Variants in MACROD2 observed in about 807,000 individuals in gnomAD.
MACROD2 encodes the protein mono-ADP ribosylhydrolase 2.
Under a neutral mutation model 70.4 loss-of-function variants are expected in MACROD2, and 36 were observed. The observed-to-expected ratio is 0.51, with a 90% CI of 0.39 to 0.68. The LOEUF is 0.68. MACROD2 is among the 30% of genes least tolerant of loss of function. The pLI, the probability that MACROD2 is intolerant of heterozygous loss-of-function variation, is 0.00. For synonymous variants in MACROD2, 172 were observed against 178.8 expected (o/e 0.96, Z 0.30); for missense variants, 496 against 538.4 (o/e 0.92, Z 0.78).
chr20:15,461,006 A>ATATATATATATATATTT, intron 7 of MACROD2, among the ~76,000 whole-genome samples: 32 of 66,986 alleles, frequency 4.8e-4, no homozygotes, highest in Non-Finnish European at 7.9e-4. Flanking sequence ...ATATATATAT[A>ATATATATATATATATTT]TTTTTTTTTA....
chr20:15,658,978 G>A (rs536108292), intron 8 of MACROD2, among the ~76,000 whole-genome samples: 1 of 152,260 alleles, frequency 6.6e-6, no homozygotes, highest in East Asian at 1.9e-4. Context: ...AAGACATATA[G>A]TAACATAGTT....
intron 2 of MACROD2, among the ~76,000 whole-genome samples, chr20:14,004,914 C>T (rs6042474): frequency 0.63 from 95,623 of 151,906 alleles, 30,801 homozygotes; most frequent in South Asian, 0.76. Context: ...TCATTACTTA[C>T]GTTTTTATAG....
chr20:15,254,286 A>T (rs1416634015), intron 6 of MACROD2, among the ~76,000 whole-genome samples: 1 of 152,168 alleles, frequency 6.6e-6, no homozygotes, highest in Admixed American at 6.6e-5. Context: ...AACTCTCTTC[A>T]GTACTTTTAA....
At chr20:15,548,351 C>T (rs567485173) in intron 8 of MACROD2, among the ~76,000 whole-genome samples, 3 of 152,154 alleles carry the variant, frequency 2.0e-5, no homozygotes, top group Middle Eastern at 3.4e-3. Context: ...AGTCTGTGTT[C>T]CCTCCCCTTG....
chr20:15,361,602 A>G, intron 6 of MACROD2, among the ~76,000 whole-genome samples: 1 of 152,330 alleles, frequency 6.6e-6, no homozygotes, highest in Non-Finnish European at 1.5e-5. Flanking sequence ...TAATCTTGCC[A>G]GAATTTTTAT....
chr20:14,850,581 C>T (rs2073189468), intron 5 of MACROD2: 1 of 152,166 alleles, frequency 6.6e-6, no homozygotes, highest in Non-Finnish European at 1.5e-5. Flanking sequence ...AGTCCTCTCC[C>T]TAATGAAAGA....
At chr20:14,306,019 C>T (rs747027695) in intron 3 of MACROD2, among the ~76,000 whole-genome samples, 17 of 151,984 alleles carry the variant, frequency 1.1e-4, no homozygotes, top group Non-Finnish European at 1.9e-4. Flanking sequence ...TTCTCTCTCT[C>T]CCTGCTAAAT....
chr20:14,868,699 G>A (rs539490463), intron 5 of MACROD2, among the ~76,000 whole-genome samples: 10 of 152,012 alleles, frequency 6.6e-5, no homozygotes, highest in Non-Finnish European at 1.0e-4. Context: ...ATTTGAAATT[G>A]CTGTGTTTTC....
rs543414937 is a variant in MACROD2 at position 14,854,685 on chromosome 20, G to A, written c.418+169726G>A. On this transcript the variant is annotated intron_variant, in intron 5 of 17. Transcript: ENST00000684519. Reference sequence around the variant, plus strand: ...ATGCAGGAAAGAATGCAGGTTTCGTGGGGACTAAAACAACACTAAGGTGAG... The same window carrying A: ...ATGCAGGAAAGAATGCAGGTTTCGTAGGGACTAAAACAACACTAAGGTGAG... Among the ~76,000 whole-genome samples the A allele has an allele frequency of 5.9e-5, 9 of 152,264 alleles. No individual in the cohort carries two copies. In the South Asian group the frequency reaches 1.7e-3, roughly 28 times the overall value.
chr20:15,157,083 G>A (rs2076311771), intron 5 of MACROD2, among the ~76,000 whole-genome samples: 1 of 152,160 alleles, frequency 6.6e-6, no homozygotes, highest in African/African-American at 2.4e-5. Context: ...GACTTAGTCA[G>A]ATCTGGCTTC....
At chr20:14,843,034 C>G (rs887304349) in intron 5 of MACROD2, among the ~76,000 whole-genome samples, 3 of 151,972 alleles carry the variant, frequency 2.0e-5, no homozygotes, top group Admixed American at 2.0e-4. Flanking sequence ...CATTTCACAC[C>G]CTGGCTGTCA....
chr20:15,263,222 G>T (rs1371625353), intron 6 of MACROD2, among the ~76,000 whole-genome samples: 1 of 151,950 alleles, frequency 6.6e-6, no homozygotes, highest in Non-Finnish European at 1.5e-5. Context: ...TTTGTTTACG[G>T]TGAGAGATAA....
intron 3 of MACROD2, among the ~76,000 whole-genome samples, chr20:14,368,359 C>G (rs1158064590): frequency 2.0e-5 from 3 of 152,024 alleles, no homozygotes; most frequent in Non-Finnish European, 2.9e-5. Flanking sequence ...GAGACTAACA[C>G]AGTGAAACCC....
chr20:14,795,064 C>A (rs1374909145), intron 5 of MACROD2, among the ~76,000 whole-genome samples: 1 of 152,024 alleles, frequency 6.6e-6, no homozygotes, highest in East Asian at 1.9e-4. Flanking sequence ...TTTCAAGATA[C>A]CGCCATAGAA....
chr20:15,651,378 C>T (rs1309360126), intron 8 of MACROD2, among the ~76,000 whole-genome samples: 1 of 152,182 alleles, frequency 6.6e-6, no homozygotes, highest in Non-Finnish European at 1.5e-5. Context: ...GATCCAGCAT[C>T]TATAATTAAT....
At chr20:15,879,994 C>G (rs559412300) in intron 9 of MACROD2, among the ~76,000 whole-genome samples, 2 of 152,228 alleles carry the variant, frequency 1.3e-5, no homozygotes, top group South Asian at 4.1e-4. Context: ...GGAGTTCCCT[C>G]TTACTCTCCA....
intron 5 of MACROD2, among the ~76,000 whole-genome samples, chr20:14,688,776 T>C (rs1423695241): frequency 6.6e-6 from 1 of 152,178 alleles, no homozygotes; most frequent in East Asian, 1.9e-4. Flanking sequence ...TAGGCAAGAT[T>C]TGTCTATCTC....
chr20:14,138,763 C>CCACA (rs11469437), intron 3 of MACROD2, among the ~76,000 whole-genome samples: 3,589 of 147,088 alleles, frequency 0.024, 68 homozygotes, highest in African/African-American at 0.054. Flanking sequence ...CTTAAGTTTT[C>CCACA]CACACACACA....
intron 6 of MACROD2, among the ~76,000 whole-genome samples, chr20:15,347,207 A>G (rs2078176322): frequency 1.3e-5 from 2 of 152,312 alleles, no homozygotes; most frequent in South Asian, 4.1e-4. Flanking sequence ...TCAATCTACC[A>G]TTTATATAGC....
Sources: gnomAD v4.1 joint callset for allele counts (sites outside exome capture counted in the v4.1 genomes callset) on GRCh38, gnomAD v4.1.1 for gene constraint, MANE v1.5 for transcripts, NCBI Gene and HGNC (gene_info 2026-07-23, HGNC 2026-07-21) for gene names.